PCDHA3: variants seen among roughly 807,000 people sequenced by gnomAD.
PCDHA3 encodes protocadherin alpha-3.
PCDHA3 carries 41 observed loss-of-function variants against 62.2 expected under a neutral mutation model. The ratio of observed to expected loss-of-function variants is 0.66; its 90% CI spans 0.51 to 0.86. PCDHA3 has a LOEUF of 0.86. PCDHA3 is among the 40% of genes least tolerant of loss of function. PCDHA3 has a pLI of 0.00. For missense variants in PCDHA3, 1,304 were observed against 1,241.2 expected (o/e 1.05, Z -0.76); for synonymous variants, 640 against 555.4 (o/e 1.15, Z -2.14).
intron 1 of PCDHA3, chr5:140,848,620 G>T (rs2150415241): frequency 6.3e-7 from 1 of 1,593,518 alleles, no homozygotes; most frequent in Non-Finnish European, 8.6e-7. Context: ...GCCGAACACG[G>T]CACCTTCGTG....
chr5:140,834,564 C>T (rs2150221113), intron 1 of PCDHA3: 12 of 1,613,972 alleles, frequency 7.4e-6, no homozygotes, highest in African/African-American at 2.7e-5. Flanking sequence ...GGAGCTGGTG[C>T]CGCGCCTGTT....
intron 1 of PCDHA3, among the ~76,000 whole-genome samples, chr5:140,907,290 G>T (rs1554192922): frequency 1.3e-5 from 2 of 152,200 alleles, no homozygotes; most frequent in East Asian, 3.8e-4. Context: ...CAATCCAGCT[G>T]CTTCAGGATG....
At chr5:140,888,436 G>A (rs782695641) in intron 1 of PCDHA3, among the ~76,000 whole-genome samples, 5 of 152,104 alleles carry the variant, frequency 3.3e-5, no homozygotes, top group Non-Finnish European at 7.4e-5. Flanking sequence ...CAGGACAGCC[G>A]CCCAACAATA....
At position 140,967,010 on chromosome 5, in the gene PCDHA3, C is replaced by T. The variant is rs781936791; in HGVS notation, c.2395-11939C>T. 7 of 1,606,340 alleles carry T rather than the reference C, an allele frequency of 4.4e-6. No individual in the cohort carries two copies. In the South Asian group the frequency reaches 6.6e-5, roughly 15 times the overall value. On this transcript the variant is annotated intron_variant, in intron 1 of 3. Coordinates refer to ENST00000522353, the MANE Select transcript of PCDHA3 (RefSeq NM_018906.3). ...GCCGGGTTGCTTGCGCATCAACCAT[C>T]TGGGTGCGCCCAGTCCGCGCTACCT...
intron 1 of PCDHA3, chr5:140,875,939 G>A (rs2055971750): frequency 6.2e-7 from 1 of 1,614,158 alleles, no homozygotes; most frequent in Non-Finnish European, 8.5e-7. Flanking sequence ...CCTCTAGAGG[G>A]CGCTTCTGAT....
chr5:140,853,424 G>C lies in PCDHA3; in HGVS notation c.2394+49833G>C, dbSNP rs112620213. On this transcript the variant is annotated intron_variant, in intron 1 of 3. Transcript: ENST00000522353. ...AAAACAGAGAGGTGAAAGCAGAAGA[G>C]ACACTTTCCTATTTTGCCTAATAGG... 9 of 986,044 alleles carry C rather than the reference G, an allele frequency of 9.1e-6. 1 individual carries two copies. In the African/African-American group the frequency reaches 1.4e-4, roughly 15 times the overall value. 61.1% of individuals were successfully genotyped at this position (986,044 alleles called of 1,614,324 possible).
rs782527785 is a variant in PCDHA3, at chr5:140,882,593, A to C, written c.2394+79002A>C. 1.9e-6 allele frequency: 3 copies of C among 1,614,126 alleles called. No homozygotes were observed. In the African/African-American group the frequency reaches 4.0e-5, roughly 22 times the overall value. On this transcript the variant is annotated intron_variant, in intron 1 of 3. Coordinates refer to ENST00000522353, the MANE Select transcript of PCDHA3 (RefSeq NM_018906.3). ...GGAGTGCAGCATCCACCTGGAGGTG[A>C]TCGTGGACAGGCCTCTGCAGGTTTT...
intron 3 of PCDHA3, among the ~76,000 whole-genome samples, chr5:140,989,362 G>A (rs1264795948): frequency 6.6e-6 from 1 of 152,176 alleles, no homozygotes; most frequent in African/African-American, 2.4e-5. Context: ...GGTCACCTGT[G>A]TGACTGAGAG....
intron 1 of PCDHA3, chr5:140,828,238 G>C (rs2150152865): frequency 6.2e-7 from 1 of 1,613,936 alleles, no homozygotes; most frequent in African/African-American, 1.3e-5. Flanking sequence ...GCCGGATCGC[G>C]CAGGACCTGG....
intron 1 of PCDHA3, among the ~76,000 whole-genome samples, chr5:140,885,181 T>A (rs561922365): frequency 6.6e-6 from 1 of 152,330 alleles, no homozygotes; most frequent in African/African-American, 2.4e-5. Flanking sequence ...TCTAGGCACA[T>A]CAGTGTTCCC....
At chr5:140,823,461 G>A in intron 1 of PCDHA3, 1 of 1,613,442 alleles carries the variant, frequency 6.2e-7, no homozygotes. Flanking sequence ...ACAACGCGCC[G>A]GCGCTGCTGG....
At chr5:140,822,870 C>T in intron 1 of PCDHA3, 2 of 1,614,224 alleles carry the variant, frequency 1.2e-6, no homozygotes, top group Non-Finnish European at 8.5e-7. Context: ...CTCCACTCAG[C>T]ACGGTCATTG....
At position 140,899,258 on chromosome 5, in the gene PCDHA3, T is replaced by C. The variant is rs1293804815; in HGVS notation, c.2395-79691T>C. On this transcript the variant is annotated intron_variant, in intron 1 of 3. Transcript: ENST00000522353. Reference sequence around the variant, plus strand: ...TAGGAGTGGTGAGAGAGGGCATCCCTGTCTTGTGGCAGTTTTCAAAGGGAA... The same window carrying C: ...TAGGAGTGGTGAGAGAGGGCATCCCCGTCTTGTGGCAGTTTTCAAAGGGAA... Among the ~76,000 whole-genome samples the C allele has an allele frequency of 3.7e-4, 56 of 152,282 alleles. No individual in the cohort carries two copies. In the South Asian group the frequency reaches 0.012, roughly 32 times the overall value.
At position 140,967,061 on chromosome 5, in the gene PCDHA3, C is replaced by G. The variant is rs1554229125; in HGVS notation, c.2395-11888C>G. The G allele has an allele frequency of 1.9e-6, 3 of 1,612,886 alleles. No individual in the cohort carries two copies. The Admixed American group carries it at 5.0e-5, about 27-fold the overall frequency. On this transcript the variant is annotated intron_variant, in intron 1 of 3. Coordinates refer to ENST00000522353, the MANE Select transcript of PCDHA3 (RefSeq NM_018906.3). ...GGAGCTGGACCTGACGAGTGGAGCG[C>G]TCTTCGTCAACGAGCGCATTGATCG...
intron 1 of PCDHA3, chr5:140,811,071 T>C (rs571435620): frequency 6.6e-6 from 1 of 152,242 alleles, no homozygotes; most frequent in Non-Finnish European, 1.5e-5. Context: ...GTTTGTTACA[T>C]AGGTATACAT....
intron 1 of PCDHA3, among the ~76,000 whole-genome samples, chr5:140,947,069 T>G (rs2094080715): frequency 6.6e-6 from 1 of 151,696 alleles, no homozygotes; most frequent in Admixed American, 6.6e-5. Context: ...AGTGTATATA[T>G]GTATTGAAAC....
chr5:140,840,876 C>T (rs975693144), intron 1 of PCDHA3, among the ~76,000 whole-genome samples: 2 of 151,942 alleles, frequency 1.3e-5, no homozygotes, highest in Admixed American at 1.3e-4. Context: ...GGACAGTTTA[C>T]ATTTCTGATA....
At chr5:140,838,077 A>ATATAGTGTGTGT (rs1203070308) in intron 1 of PCDHA3, among the ~76,000 whole-genome samples, 2 of 80,700 alleles carry the variant, frequency 2.5e-5, no homozygotes, top group Admixed American at 2.3e-4. Context: ...ATATATATAT[A>ATATAGTGTGTGT]GTGTGTGTGT....
chr5:141,002,047 C>A (rs1449885583), intron 3 of PCDHA3, among the ~76,000 whole-genome samples: 2 of 152,202 alleles, frequency 1.3e-5, no homozygotes, highest in Non-Finnish European at 2.9e-5. Flanking sequence ...TCCTGGGCAT[C>A]CAGAGGCAGC....
Sources: allele counts gnomAD v4.1 joint callset (sites outside exome capture counted in the v4.1 genomes callset), GRCh38; gene constraint gnomAD v4.1.1; transcripts MANE v1.5; gene names NCBI Gene and HGNC (gene_info 2026-07-23, HGNC 2026-07-21).